CUTC: variants seen among roughly 807,000 people sequenced by gnomAD.
The protein encoded by CUTC is cutC copper transporter.
In CUTC, 27 loss-of-function variants were observed where a neutral mutation model predicts 36.2. That is an observed-to-expected ratio of 0.75 (90% CI 0.55 to 1.03). The LOEUF is 1.03. Ranked by LOEUF, CUTC falls within the 50% of genes least tolerant of loss-of-function variation. The pLI, the probability that CUTC is intolerant of heterozygous loss-of-function variation, is 0.00. For synonymous variants in CUTC, 114 were observed against 118.3 expected, an observed-to-expected ratio of 0.96 and a Z score of 0.24; for missense variants, 315 against 343.5, an observed-to-expected ratio of 0.92 and a Z score of 0.66.
At chr10:99,747,472 CTA>C in intron 6 of CUTC, 82 bp downstream of exon 6, 1 of 1,485,048 alleles carries the variant, frequency 6.7e-7, no homozygotes, top group South Asian at 1.2e-5. Context: ...GTTTGTGAGA[CTA>C]TATATTACTG....
chr10:99,741,176 A>G (rs987469439), intron 3 of CUTC, among the ~76,000 whole-genome samples: 1 of 152,238 alleles, frequency 6.6e-6, no homozygotes, highest in Admixed American at 6.5e-5. Context: ...GTTCCAAAAC[A>G]GTTTGGTCCT....
intron 1 of CUTC, among the ~76,000 whole-genome samples, chr10:99,733,922 C>T (rs963071274): frequency 1.3e-5 from 2 of 152,144 alleles, no homozygotes; most frequent in Non-Finnish European, 2.9e-5. Flanking sequence ...AATAGTCCCC[C>T]GGCAGCATCA....
At chr10:99,736,726 C>T (rs2037299817) in intron 2 of CUTC, among the ~76,000 whole-genome samples, 2 of 152,020 alleles carry the variant, frequency 1.3e-5, no homozygotes, top group African/African-American at 4.8e-5. Flanking sequence ...TTTCCATCAT[C>T]TCAGGTTCAG....
intron 1 of CUTC, among the ~76,000 whole-genome samples, chr10:99,735,388 G>T (rs371823943): frequency 1.3e-5 from 2 of 152,042 alleles, no homozygotes; most frequent in Admixed American, 6.5e-5. Flanking sequence ...GGGAGCCAGC[G>T]GTAGGGACTG....
At chr10:99,750,625 G>C (rs895334270) in intron 7 of CUTC, among the ~76,000 whole-genome samples, 2 of 152,084 alleles carry the variant, frequency 1.3e-5, no homozygotes, top group African/African-American at 4.8e-5. Flanking sequence ...AGCTCAAAGA[G>C]GAGCAAATAA....
intron 3 of CUTC, among the ~76,000 whole-genome samples, chr10:99,740,434 GTT>G (rs55778767): frequency 6.6e-6 from 1 of 151,054 alleles, no homozygotes; most frequent in African/African-American, 2.4e-5. Flanking sequence ...AGGTTGACAG[GTT>G]TTTTTTTTCT....
chr10:99,744,830 T>G (rs1287884389), intron 5 of CUTC, among the ~76,000 whole-genome samples: 1 of 152,220 alleles, frequency 6.6e-6, no homozygotes, highest in Non-Finnish European at 1.5e-5. Context: ...TCCGGCTCAC[T>G]ACAACCTCTG....
At chr10:99,746,345 C>CA (rs2037377612) in intron 5 of CUTC, among the ~76,000 whole-genome samples, 1 of 152,026 alleles carries the variant, frequency 6.6e-6, no homozygotes, top group Non-Finnish European at 1.5e-5. Flanking sequence ...GAACAACACA[C>CA]ACTGGGGCCT....
In CUTC at chr10:99,754,584, A is replaced by G. The variant is rs2037441323; in HGVS notation, c.657A>G (p.Thr219=). The G allele has an allele frequency of 6.2e-7, 1 of 1,613,994 alleles. No individual in the cohort carries two copies. The highest frequency in any genetic ancestry group is 8.5e-7 in the Non-Finnish European group (1 of 1,179,892). Residue 219 remains threonine, a synonymous_variant, in exon 8 of 9, where the codon ACA becomes ACG. Coordinates refer to ENST00000370476, the MANE Select transcript of CUTC (RefSeq NM_015960.3). ...GGATCCTTGAGGGTTCAGGTGCTACAGAATTCCACTGTTCTGCTCGGTCTA... is the reference window on the plus strand; with the variant it reads ...GGATCCTTGAGGGTTCAGGTGCTACGGAATTCCACTGTTCTGCTCGGTCTA... ...LQRILEGSGA[T]EFHCSARSTR...
Position 99,732,391 on chromosome 10 carries a change from A to C in CUTC, c.43A>C (p.Ile15Leu), listed in dbSNP as rs1461906271. ...GASSERKRAR[I>L]PSGKAGAANG... ...CTCCTCTGAGCGAAAACGAGCGCGGATACCGTCCGGGAAGGCCGGTGCGGA... is the reference window on the plus strand; with the variant it reads ...CTCCTCTGAGCGAAAACGAGCGCGGCTACCGTCCGGGAAGGCCGGTGCGGA... Residue 15 changes from isoleucine (I) to leucine (L), a missense_variant, in exon 1 of 9, where the codon ATA (isoleucine) becomes CTA (leucine). Coordinates refer to ENST00000370476, the MANE Select transcript of CUTC (RefSeq NM_015960.3). 1.9e-6 allele frequency: 3 copies of C among 1,552,566 alleles called. No individual in the cohort carries two copies. Among genetic ancestry groups the C allele is most frequent in the African/African-American group, 1.4e-5 (1 of 73,134 alleles).
intron 6 of CUTC, among the ~76,000 whole-genome samples, chr10:99,749,518 A>T (rs1298866265): frequency 2.6e-5 from 4 of 152,196 alleles, no homozygotes; most frequent in African/African-American, 9.6e-5. Context: ...AAGAAATGGT[A>T]GAATTCATTT....
intron 1 of CUTC, 107 bp from the exon 2 acceptor site, chr10:99,736,139 T>A: frequency 1.2e-6 from 1 of 803,950 alleles, no homozygotes; most frequent in South Asian, 1.5e-5. Context: ...ATCTATTACC[T>A]GTTATTGGAC....
chr10:99,739,748 G>C lies in CUTC; in HGVS notation c.172G>C (p.Gly58Arg), dbSNP rs776782870. 8.1e-6 allele frequency: 13 copies of C among 1,611,094 alleles called. No individual in the cohort carries two copies. The highest frequency in any genetic ancestry group is 1.7e-5 in the Admixed American group (1 of 59,370). ...TGAATTATGTTCTGGTTTATCAGAG[G>C]GGGGAACTACACCCAGCATGGGTAA... The part of the protein sequence containing the change: ...RIELCSGLSE[G>R]GTTPSMGVLQ... Residue 58 changes from glycine to arginine, a missense_variant, in exon 3 of 9, where the codon GGG (glycine) becomes CGG (arginine). Transcript: ENST00000370476.
chr10:99,739,468 A>G (rs1339100460), intron 2 of CUTC, among the ~76,000 whole-genome samples: 3 of 152,228 alleles, frequency 2.0e-5, no homozygotes, highest in African/African-American at 4.8e-5. Flanking sequence ...ACCCTATAAT[A>G]CAAAAATTTA....
Position 99,755,380 on chromosome 10 carries a change from G to GA in CUTC, c.708-229dup, listed in dbSNP as rs386372234. Among the ~76,000 whole-genome samples the GA allele has an allele frequency of 1.5e-3, 187 of 121,976 alleles. 2 individuals are homozygous for GA. The highest frequency in any genetic ancestry group is 8.0e-3 in the East Asian group (31 of 3,892). The allele number at this position is 121,976 out of a possible 152,430, so 80.0% of individuals were successfully genotyped here. ...TGATACATGCCTGTAATTTAAAAAGGAAAAAAAAAAAAAAAAGGAAGCAAG... is the reference window on the plus strand; with the variant it reads ...TGATACATGCCTGTAATTTAAAAAGGAAAAAAAAAAAAAAAAAGGAAGCAAG... On this transcript the variant is annotated intron_variant, in intron 8 of 8. Coordinates refer to ENST00000370476, the MANE Select transcript of CUTC (RefSeq NM_015960.3).
intron 7 of CUTC, 90 bp from the exon 8 acceptor site, chr10:99,754,439 G>A: frequency 2.4e-6 from 2 of 827,822 alleles, no homozygotes; most frequent in South Asian, 3.1e-5. Flanking sequence ...TCAGTTTGGG[G>A]ATTCCAAGTA....
In CUTC at chr10:99,732,290, C is replaced by A; in HGVS notation, c.-59C>A. On this transcript the variant is annotated 5_prime_UTR_variant, in exon 1 of 9. Coordinates refer to ENST00000370476, the MANE Select transcript of CUTC (RefSeq NM_015960.3). ...GTTGACGCGCTTCTTAGCTGGTGCG[C>A]GCCGGAGCCCAAATTCCAAGTGGAA... is the stretch of plus-strand genomic sequence containing the variant. The A allele has an allele frequency of 6.5e-7, 1 of 1,547,900 alleles. No individual in the cohort carries two copies. Among genetic ancestry groups the A allele is most frequent in the Non-Finnish European group, 8.7e-7 (1 of 1,145,534 alleles).
chr10:99,754,507 T>C (rs1463447082), intron 7 of CUTC, 22 bp from the exon 8 acceptor site: 1 of 1,433,464 alleles, frequency 7.0e-7, no homozygotes, highest in Non-Finnish European at 9.8e-7. Flanking sequence ...TTACTTAATG[T>C]GTTACTTATT....
In CUTC at chr10:99,748,605, A is replaced by G. The variant is rs76485132; in HGVS notation, c.573+1215A>G. On this transcript the variant is annotated intron_variant, in intron 6 of 8. Transcript: ENST00000370476. The stretch of plus-strand genomic sequence containing the variant: ...GAGCAGGCAATTTTAATAGAGCTCT[A>G]TTTTTAAAAGGTACTATAGGAGTAC... 4.7e-3 allele frequency among the ~76,000 whole-genome samples: 721 copies of G among 152,296 alleles called. 20 individuals carry two copies. Among genetic ancestry groups the G allele is most frequent in the East Asian group, 0.016 (85 of 5,192 alleles).
Sources: gnomAD v4.1 joint callset for allele counts (sites outside exome capture counted in the v4.1 genomes callset) on GRCh38, gnomAD v4.1.1 for gene constraint, MANE v1.5 for transcripts, NCBI Gene and HGNC (gene_info 2026-07-23, HGNC 2026-07-21) for gene names.